TNS1: variants seen among roughly 807,000 people sequenced by gnomAD.
TNS1 encodes the protein tensin 1.
TNS1 carries 62 observed loss-of-function variants against 168.6 expected under a neutral mutation model. The observed-to-expected ratio is 0.37, with a 90% CI of 0.30 to 0.45. TNS1 has a LOEUF of 0.45. Ranked by LOEUF, TNS1 falls within the 20% of genes least tolerant of loss-of-function variation. The pLI is 1.00. For synonymous variants in TNS1, 934 were observed against 933.2 expected (o/e 1.00, Z -0.02); for missense variants, 2,240 against 2,339.4 (o/e 0.96, Z 0.88).
At chr2:217,894,382 C>A (rs777991015) in intron 9 of TNS1, among the ~76,000 whole-genome samples, 30 of 152,202 alleles carry the variant, frequency 2.0e-4, no homozygotes, top group African/African-American at 6.8e-4. Flanking sequence ...CAGGTCCAGA[C>A]GCGCTGGCCC....
Position 217,804,548 on chromosome 2 carries a change from G to A in TNS1, c.5431C>T (p.Leu1811Phe). The part of the protein sequence containing the change: ...QGSTTDNACH[L>F]FAELDPNQPA... ...TGGTTGGGGTCAAGCTCAGCAAAGA[G>A]GTGGCAGGCGTTGTCCGTGGTGCTG... The change falls in exon 33 of 33, where the codon CTC becomes TTC. Residue 1811 changes from leucine to phenylalanine, a missense_variant. Coordinates refer to ENST00000682258, the MANE Select transcript of TNS1 (RefSeq NM_001387777.1). The A allele has an allele frequency of 6.2e-7, 1 of 1,614,178 alleles. No homozygotes were observed.
chr2:218,013,348 C>G (rs1193980463), upstream of TNS1, among the ~76,000 whole-genome samples: 2 of 152,152 alleles, frequency 1.3e-5, no homozygotes, highest in African/African-American at 4.8e-5. Context: ...GCAAAGCTCC[C>G]CACAGTGGAC....
chr2:217,974,230 G>A (rs1327926318), intron 3 of TNS1, among the ~76,000 whole-genome samples: 5 of 152,282 alleles, frequency 3.3e-5, no homozygotes, highest in South Asian at 4.1e-4. Context: ...CAGGATGTAC[G>A]TTTGAGTTTT....
In TNS1 at chr2:217,900,471, C is replaced by G. The variant is rs750331949; in HGVS notation, c.363G>C (p.Gln121His). 2.0e-6 allele frequency: 3 copies of G among 1,535,250 alleles called. No individual in the cohort carries two copies. The highest frequency in any genetic ancestry group is 2.6e-6 in the Non-Finnish European group (3 of 1,146,700). ...CCACGGGCCAGGCATACCTGATGGG[C>G]TGGAGGTGGGGCTGGACACTCGGGG... ...RVTPSVQPHL[Q>H]PIRNMSVSRT... is the part of the protein sequence containing the mutation. Residue 121 changes from glutamine to histidine, a missense_variant, in exon 7 of 33, where the codon CAG becomes CAC. Around this residue, in one of 2 missense-constraint regions of TNS1, gnomAD observed 2,131 missense variants for 2,171.2 expected, o/e 0.98. Coordinates refer to ENST00000682258, the MANE Select transcript of TNS1 (RefSeq NM_001387777.1).
chr2:217,920,254 A>G lies in TNS1; in HGVS notation c.187-18T>C. The G allele has an allele frequency of 1.4e-6, 1 of 703,000 alleles. No homozygotes were observed. Among genetic ancestry groups the G allele is most frequent in the Middle Eastern group, 2.3e-4 (1 of 4,370 alleles). 43.5% of individuals were successfully genotyped at this position (703,000 alleles called of 1,614,324 possible). A position where few individuals can be genotyped will look rare whatever the true frequency, so the allele number is the denominator to read the frequency against. On this transcript the variant is annotated intron_variant, in intron 3 of 32. Coordinates refer to ENST00000682258, the MANE Select transcript of TNS1 (RefSeq NM_001387777.1). The stretch of plus-strand genomic sequence containing the variant: ...GCAGCCACCTGTGGAAGGAACAGAG[A>G]ACGGGCAGGTGAGCATATCTTGTCT...
intron 4 of TNS1, among the ~76,000 whole-genome samples, chr2:217,910,559 C>T (rs1470068536): frequency 1.3e-5 from 2 of 151,964 alleles, no homozygotes; most frequent in Non-Finnish European, 2.9e-5. Flanking sequence ...CTGCCCCAGG[C>T]CCTGCAGGGA....
rs1937393054 is a variant in TNS1, at chr2:217,800,908, C to A, written c.*3551G>T. On this transcript the variant is annotated 3_prime_UTR_variant, in exon 33 of 33. Coordinates refer to ENST00000682258, the MANE Select transcript of TNS1 (RefSeq NM_001387777.1). The stretch of plus-strand genomic sequence containing the variant: ...GAGCCCCTGCACAGGCTCATCAGAA[C>A]AAGGCAGAATCTCCTACTCACTAAC... 1 of 152,206 alleles carries A rather than the reference C, an allele frequency of 6.6e-6. No homozygotes were observed. Among genetic ancestry groups the A allele is most frequent in the African/African-American group, 2.4e-5 (1 of 41,438 alleles). 9.4% of individuals were successfully genotyped at this position (152,206 alleles called of 1,614,324 possible).
chr2:217,890,768 A>G, intron 12 of TNS1, 194 bp downstream of exon 12: 1 of 614,784 alleles, frequency 1.6e-6, no homozygotes, highest in South Asian at 1.9e-5. Context: ...ATCTGCGGGC[A>G]CACACCACAG....
chr2:217,915,758 G>C (rs1954939804), intron 4 of TNS1, among the ~76,000 whole-genome samples: 1 of 152,210 alleles, frequency 6.6e-6, no homozygotes, highest in Non-Finnish European at 1.5e-5. Context: ...ACCCAGCCCT[G>C]CCACTGCGAG....
rs745593139 is a variant in TNS1, at chr2:217,818,103, C to A, written c.4229G>T (p.Gly1410Val). The A allele has an allele frequency of 6.2e-7, 1 of 1,613,810 alleles. No homozygotes were observed. Among genetic ancestry groups the A allele is most frequent in the East Asian group, 2.2e-5 (1 of 44,868 alleles). The change falls in exon 24 of 33, where the codon GGG becomes GTG. Residue 1410 changes from glycine to valine, a missense_variant. This residue lies in a region of TNS1 where 2,131 missense variants were observed against 2,171.2 expected (regional missense o/e 0.98). Transcript: ENST00000682258. ...GSPSLGRHLG[G>V]SGSVVPGSPC... The stretch of plus-strand genomic sequence containing the variant: ...GCTGCCGGGAACCACAGATCCAGAC[C>A]CTCCGAGGTGACGGCCCAGGCTGGG...
intron 18 of TNS1, chr2:217,859,615 AGT>A (rs1559254204): frequency 6.5e-7 from 1 of 1,534,236 alleles, no homozygotes; most frequent in South Asian, 1.2e-5. Flanking sequence ...TGGGAAGGCC[AGT>A]GTGTGTCTGG....
intron 30 of TNS1, 127 bp downstream of exon 30, chr2:217,809,696 T>A (rs901380198): frequency 2.0e-6 from 2 of 989,004 alleles, no homozygotes; most frequent in African/African-American, 3.3e-5. Context: ...GCAAGATAGA[T>A]GGATGAGAAG....
At chr2:217,912,324 T>G (rs1332889552) in intron 4 of TNS1, among the ~76,000 whole-genome samples, 1 of 151,670 alleles carries the variant, frequency 6.6e-6, no homozygotes, top group Non-Finnish European at 1.5e-5. Context: ...GGGAGGAGGG[T>G]GCGCAGAATG....
At chr2:217,871,292 T>C (rs1949751668) in intron 18 of TNS1, among the ~76,000 whole-genome samples, 1 of 152,024 alleles carries the variant, frequency 6.6e-6, no homozygotes, top group African/African-American at 2.4e-5. Flanking sequence ...TTTGAATTCC[T>C]CCCTCCCCTG....
intron 3 of TNS1, among the ~76,000 whole-genome samples, chr2:217,946,969 T>TCACACACACACACACACA (rs372012573): frequency 2.4e-4 from 29 of 118,826 alleles, no homozygotes; most frequent in African/African-American, 7.3e-4. Context: ...TCTCTCTCTC[T>TCACACACACACACACACA]CACACACACA....
chr2:218,010,433 A>T (rs1958695766), upstream of TNS1: 1 of 376,310 alleles, frequency 2.7e-6, no homozygotes, highest in Non-Finnish European at 4.7e-6. Flanking sequence ...ATCTCCGGGG[A>T]ACCCCCACGG....
chr2:217,809,584 CATGGATGG>C lies in TNS1; in HGVS notation c.5273+231_5273+238del, dbSNP rs1257065679. 4.5e-5 allele frequency: 3 copies of C among 66,382 alleles called. 1 individual carries two copies. The highest frequency in any genetic ancestry group is 6.4e-4 in the African/African-American group (2 of 3,126). 4.1% of individuals were successfully genotyped at this position (66,382 alleles called of 1,614,324 possible). On this transcript the variant is annotated intron_variant, in intron 30 of 32. Coordinates refer to ENST00000682258, the MANE Select transcript of TNS1 (RefSeq NM_001387777.1). ...GGATGGATGGATGGATGGATAGGTG[CATGGATGG>C]ATGGATGGATGGATGGATGGGTGCA...
At position 218,032,327 on chromosome 2, in the gene TNS1, AAGG is replaced by A. The variant is rs1363876156; in HGVS notation, c.156+1490_156+1492del. Among the ~76,000 whole-genome samples, 1 of 152,038 alleles carries A rather than the reference AAGG, an allele frequency of 6.6e-6. No homozygotes were observed. Among genetic ancestry groups the A allele is most frequent in the East Asian group, 1.9e-4 (1 of 5,188 alleles). ...CCTGGGGGACAAGGCAGTCCAGGAGAAGGAGGAGGACAGCCTGCTTGTGGAGGA... is the reference window on the plus strand; with the variant it reads ...CCTGGGGGACAAGGCAGTCCAGGAGAAGGAGGACAGCCTGCTTGTGGAGGA... On this transcript the variant is annotated intron_variant, in intron 1 of 1. Transcript: ENST00000649572. This position sits in a 1 kb window ranked among gnomAD's most constrained non-coding sequence, Gnocchi z 4.0.
chr2:217,827,733 T>G (rs1171990216), intron 22 of TNS1, among the ~76,000 whole-genome samples: 1 of 152,188 alleles, frequency 6.6e-6, no homozygotes, highest in Non-Finnish European at 1.5e-5. Flanking sequence ...CAACGATGGG[T>G]GTGGCTGAGT....
Sources: allele counts gnomAD v4.1 joint callset (sites outside exome capture counted in the v4.1 genomes callset), GRCh38; gene constraint gnomAD v4.1.1; regional missense constraint gnomAD v4.1.1; non-coding constraint Gnocchi (gnomAD v3.1); transcripts MANE v1.5; gene names NCBI Gene and HGNC (gene_info 2026-07-23, HGNC 2026-07-21).